The following UNC79 variants were observed in gnomAD, a reference collection of about 807,000 sequenced individuals.
UNC79 encodes the protein protein unc-79 homolog.
Under a neutral mutation model 283.1 loss-of-function variants are expected in UNC79, and 37 were observed. That is an observed-to-expected ratio of 0.13 (90% CI 0.10 to 0.17). The LOEUF is 0.17. UNC79 is among the 10% of genes least tolerant of loss of function. UNC79 has a pLI of 1.00. For synonymous variants in UNC79, 1,107 were observed against 1,200.2 expected (o/e 0.92, Z 1.61); for missense variants, 2,272 against 3,211.1 (o/e 0.71, Z 7.07).
At chr14:93,399,607 T>C (rs1486624985) in intron 1 of UNC79, among the ~76,000 whole-genome samples, 2 of 152,340 alleles carry the variant, frequency 1.3e-5, no homozygotes, top group Admixed American at 6.5e-5. Flanking sequence ...CCAAGCACTT[T>C]ATATGTGGAT....
chr14:93,377,935 C>A (rs2054594308), intron 1 of UNC79, among the ~76,000 whole-genome samples: 1 of 152,110 alleles, frequency 6.6e-6, no homozygotes, highest in Non-Finnish European at 1.5e-5. Flanking sequence ...TACTGGTAGA[C>A]AACAACGAAA....
rs2061429367 is a variant in UNC79, at chr14:93,542,649, G to A, written c.1708G>A (p.Asp570Asn). The A allele has an allele frequency of 3.7e-6, 6 of 1,614,184 alleles. No homozygotes were observed. In the East Asian group the frequency reaches 6.7e-5, roughly 18 times the overall value. Residue 570 changes from aspartate (D) to asparagine (N), a missense_variant, in exon 14 of 49, where the codon GAT becomes AAT. By Grantham distance (23) the Asp-to-Asn change is conservative. Transcript: ENST00000555664. ...GAAGACCGTATGTGATGTTCGCTTCGATGTCATGGTCATGTGCCTTCTTCC... is the reference window on the plus strand; with the variant it reads ...GAAGACCGTATGTGATGTTCGCTTCAATGTCATGGTCATGTGCCTTCTTCC...
At chr14:93,536,782 C>CTTTTTTTTT (rs35677025) in intron 11 of UNC79, among the ~76,000 whole-genome samples, 3 of 82,434 alleles carry the variant, frequency 3.6e-5, no homozygotes, top group East Asian at 4.5e-4. Flanking sequence ...CCACCCCCGG[C>CTTTTTTTTT]TTTTTTTTTT....
intron 1 of UNC79, among the ~76,000 whole-genome samples, chr14:93,398,663 A>AATAATGCCAAGAC (rs2055044971): frequency 6.6e-6 from 1 of 152,220 alleles, no homozygotes; most frequent in African/African-American, 2.4e-5. Context: ...TGAAGGATTA[A>AATAATGCCAAGAC]ATAATGCCAA....
At chr14:93,675,276 T>C (rs1304133256) in intron 41 of UNC79, among the ~76,000 whole-genome samples, 1 of 152,140 alleles carries the variant, frequency 6.6e-6, no homozygotes, top group African/African-American at 2.4e-5. Flanking sequence ...CTAGACAGTG[T>C]ATAAAACACT....
At chr14:93,609,500 A>G (rs1281682517) in intron 26 of UNC79, among the ~76,000 whole-genome samples, 2 of 152,214 alleles carry the variant, frequency 1.3e-5, no homozygotes, top group Non-Finnish European at 2.9e-5. Flanking sequence ...TGGTAGGAAT[A>G]GCTCTGCCTC....
At chr14:93,494,030 A>G (rs561116380) in intron 5 of UNC79, among the ~76,000 whole-genome samples, 4 of 150,054 alleles carry the variant, frequency 2.7e-5, no homozygotes, top group Non-Finnish European at 5.9e-5. Context: ...CAGCCTCCCA[A>G]GTAGCTGGGA....
intron 3 of UNC79, 89 bp from the exon 4 acceptor site, chr14:93,477,469 A>T: frequency 8.9e-7 from 1 of 1,126,434 alleles, no homozygotes; most frequent in East Asian, 2.6e-5. Context: ...TATAACTTAA[A>T]CCAGTTCATT....
chr14:93,461,050 C>G (rs1388184906), intron 1 of UNC79, among the ~76,000 whole-genome samples: 5 of 152,148 alleles, frequency 3.3e-5, no homozygotes, highest in African/African-American at 1.2e-4. Context: ...AAAACAGATT[C>G]TAAAACTATA....
intron 28 of UNC79, 52 bp from the exon 30 acceptor site, chr14:93,618,140 C>G (rs1770846793): frequency 6.4e-7 from 1 of 1,557,954 alleles, no homozygotes; most frequent in African/African-American, 1.4e-5. Context: ...GGTGGAAAAG[C>G]TTACCCTCTA....
At chr14:93,516,141 T>G (rs1459144277) in intron 7 of UNC79, among the ~76,000 whole-genome samples, 3 of 152,232 alleles carry the variant, frequency 2.0e-5, no homozygotes, top group Admixed American at 6.5e-5. Context: ...GAATAATAAT[T>G]AACCATATAT....
chr14:93,600,126 G>T (rs2065392900), intron 24 of UNC79, among the ~76,000 whole-genome samples: 1 of 152,124 alleles, frequency 6.6e-6, no homozygotes, highest in African/African-American at 2.4e-5. Flanking sequence ...CTTGAACCCG[G>T]GAGGCGGAGG....
intron 1 of UNC79, among the ~76,000 whole-genome samples, chr14:93,459,654 T>C (rs1228022284): frequency 6.7e-6 from 1 of 150,300 alleles, no homozygotes; most frequent in Non-Finnish European, 1.5e-5. Context: ...CTTACTGTTT[T>C]TGAACTTTGG....
chr14:93,632,670 G>A (rs2068130175), intron 31 of UNC79, among the ~76,000 whole-genome samples: 2 of 151,290 alleles, frequency 1.3e-5, no homozygotes, highest in African/African-American at 2.4e-5. Context: ...CTCCACTCCA[G>A]CCTGTGCACC....
intron 29 of UNC79, among the ~76,000 whole-genome samples, 169 bp from the exon 31 acceptor site, chr14:93,620,723 A>C (rs1255584771): frequency 6.6e-6 from 1 of 152,234 alleles, no homozygotes; most frequent in East Asian, 1.9e-4. Flanking sequence ...TGTCCAATAG[A>C]TGGAGAATTT....
At position 93,377,346 on chromosome 14, in the gene UNC79, G is replaced by A. The variant is rs576446243; in HGVS notation, c.-351+43823G>A. ...CCTAACCTCGTGATCCACCCGCCTC[G>A]GCCTCCCAAAGTGCTGGGATTACAG... On this transcript the variant is annotated intron_variant, in intron 1 of 49. Transcript: ENST00000256339. Among the ~76,000 whole-genome samples, 28 of 152,038 alleles carry A rather than the reference G, an allele frequency of 1.8e-4. No homozygotes were observed. In the East Asian group the frequency reaches 2.9e-3, roughly 16 times the overall value.
chr14:93,621,927 C>T lies in UNC79; in HGVS notation c.4694C>T (p.Pro1565Leu). The change falls in exon 30 of 49, where the codon CCA becomes CTA. Residue 1565 changes from proline to leucine, a missense_variant. By Grantham distance (98) the Pro-to-Leu change is moderately conservative. Transcript: ENST00000555664. This position sits in a 1 kb window ranked among gnomAD's most constrained non-coding sequence, Gnocchi z 4.8. ...GACAATAGTGAAATCCCCGAGAACC[C>T]AGCTATGGAAGGGTTTCCAGATGCT... The T allele has an allele frequency of 6.2e-7, 1 of 1,614,078 alleles. No homozygotes were observed.
At chr14:93,368,356 A>T (rs955094265) in intron 1 of UNC79, among the ~76,000 whole-genome samples, 1 of 152,238 alleles carries the variant, frequency 6.6e-6, no homozygotes, top group Non-Finnish European at 1.5e-5. Context: ...CCTCTAAAAA[A>T]GTTTAAAATA....
chr14:93,603,772 A>G (rs1241161126), intron 26 of UNC79, among the ~76,000 whole-genome samples: 1 of 152,198 alleles, frequency 6.6e-6, no homozygotes, highest in East Asian at 1.9e-4. Context: ...TCTGAATAAG[A>G]CTTAGACAAT....
Sources: allele counts gnomAD v4.1 joint callset (sites outside exome capture counted in the v4.1 genomes callset), GRCh38; gene constraint gnomAD v4.1.1; non-coding constraint Gnocchi (gnomAD v3.1); transcripts MANE v1.5; gene names NCBI Gene and HGNC (gene_info 2026-07-23, HGNC 2026-07-21).